COBL: variants seen among roughly 807,000 people sequenced by gnomAD.
The protein encoded by COBL is cordon-bleu WH2 repeat protein, also known as protein cordon-bleu.
COBL carries 51 observed loss-of-function variants against 98.8 expected under a neutral mutation model. The ratio of observed to expected loss-of-function variants is 0.52; its 90% CI spans 0.41 to 0.65. COBL has a LOEUF of 0.65. Among genes scored for constraint, COBL ranks in the 30% least tolerant of loss-of-function variants. The pLI is 0.00. For synonymous variants in COBL, 634 were observed against 651.7 expected, an observed-to-expected ratio of 0.97 and a Z score of 0.41; for missense variants, 1,617 against 1,617.5, an observed-to-expected ratio of 1.00 and a Z score of 0.01.
chr7:51,149,821 A>C (rs1450014399), intron 5 of COBL, among the ~76,000 whole-genome samples: 1 of 151,982 alleles, frequency 6.6e-6, no homozygotes, highest in Non-Finnish European at 1.5e-5. Flanking sequence ...TGTAAATAGC[A>C]CCTTTGTTGG....
chr7:51,086,643 A>G (rs991956005), intron 6 of COBL, among the ~76,000 whole-genome samples: 1 of 152,088 alleles, frequency 6.6e-6, no homozygotes, highest in Non-Finnish European at 1.5e-5. Context: ...AGAGAGAGAG[A>G]GAGAGTGTGT....
rs1786336733 is a variant in COBL at position 51,016,908 on chromosome 7, A to G, written c.*643T>C. ...ACGTAGGACTGTTTTCTGGGTGGTA[A>G]TAGTTGATTTTTAAAAGCTTAGTTG... is the stretch of plus-strand genomic sequence containing the variant. On this transcript the variant is annotated 3_prime_UTR_variant, in exon 13 of 13. Transcript: ENST00000265136. 7.5e-6 allele frequency: 3 copies of G among 399,422 alleles called. No individual in the cohort carries two copies. The highest frequency in any genetic ancestry group is 3.6e-5 in the East Asian group (1 of 28,098). 24.7% of individuals were successfully genotyped at this position (399,422 alleles called of 1,614,324 possible). A position where few individuals can be genotyped will look rare whatever the true frequency, so the allele number is the denominator to read the frequency against.
chr7:51,037,724 T>A (rs1358678795), intron 8 of COBL, among the ~76,000 whole-genome samples: 1 of 152,246 alleles, frequency 6.6e-6, no homozygotes, highest in Non-Finnish European at 1.5e-5. Flanking sequence ...GGGACTCTGA[T>A]GTTCCCTTTA....
intron 1 of COBL, 111 bp from the exon 2 acceptor site, chr7:51,220,055 G>T: frequency 1.1e-6 from 1 of 940,760 alleles, no homozygotes; most frequent in Non-Finnish European, 1.6e-6. Context: ...CCTTCCAAGT[G>T]CCACGGCCTT....
chr7:51,153,421 G>A (rs1562970564), intron 5 of COBL, among the ~76,000 whole-genome samples: 1 of 152,122 alleles, frequency 6.6e-6, no homozygotes, highest in Non-Finnish European at 1.5e-5. Context: ...ATGCTAAAAA[G>A]CAACCATAAA....
intron 1 of COBL, among the ~76,000 whole-genome samples, chr7:51,253,963 TA>T (rs1384530893): frequency 6.6e-6 from 1 of 152,240 alleles, no homozygotes; most frequent in African/African-American, 2.4e-5. Context: ...AAAACTTGTG[TA>T]GTTCAAAATC....
intron 1 of COBL, among the ~76,000 whole-genome samples, chr7:51,258,386 T>C (rs542545905): frequency 2.0e-5 from 3 of 152,292 alleles, no homozygotes; most frequent in Admixed American, 6.5e-5. Flanking sequence ...GAGTTACTCA[T>C]TTACCGACAT....
At chr7:51,120,369 C>T (rs1390390588) in intron 6 of COBL, among the ~76,000 whole-genome samples, 5 of 151,962 alleles carry the variant, frequency 3.3e-5, no homozygotes, top group Non-Finnish European at 7.4e-5. Context: ...ATATAACACA[C>T]GTAAGGCATT....
chr7:51,080,715 G>C (rs1793566203), intron 7 of COBL, among the ~76,000 whole-genome samples: 1 of 152,114 alleles, frequency 6.6e-6, no homozygotes, highest in Admixed American at 6.5e-5. Context: ...AGTGCTTGTA[G>C]CTGGCATTAA....
At chr7:51,201,833 T>G (rs983932966) in intron 2 of COBL, among the ~76,000 whole-genome samples, 3 of 152,124 alleles carry the variant, frequency 2.0e-5, no homozygotes, top group Admixed American at 6.5e-5. Context: ...AATACAAACA[T>G]GGAATTCACC....
intron 8 of COBL, chr7:51,035,466 T>C (rs1370083207): frequency 6.6e-6 from 1 of 152,142 alleles, no homozygotes; most frequent in Non-Finnish European, 1.5e-5. Flanking sequence ...AAGTGATTAC[T>C]TGATTAACTA....
At chr7:51,278,215 G>A (rs1193450337) in intron 1 of COBL, among the ~76,000 whole-genome samples, 1 of 152,090 alleles carries the variant, frequency 6.6e-6, no homozygotes. Flanking sequence ...ACACCAAACA[G>A]GGTGAATCTA....
chr7:51,156,620 A>T, intron 5 of COBL: 1 of 981,160 alleles, frequency 1.0e-6, no homozygotes, highest in Non-Finnish European at 1.2e-6. Flanking sequence ...AGGGTCAAAT[A>T]TTGAGAAATA....
At chr7:51,062,638 G>T (rs1387083303) in intron 7 of COBL, among the ~76,000 whole-genome samples, 2 of 152,212 alleles carry the variant, frequency 1.3e-5, no homozygotes, top group Non-Finnish European at 2.9e-5. Context: ...TTTCATCATT[G>T]CATGGAAACG....
intron 1 of COBL, among the ~76,000 whole-genome samples, chr7:51,236,395 A>G (rs1045273609): frequency 6.6e-6 from 1 of 152,204 alleles, no homozygotes; most frequent in Non-Finnish European, 1.5e-5. Flanking sequence ...AGAGGACAGG[A>G]CAGGGCAGGG....
At chr7:51,243,475 G>A (rs182075322) in intron 1 of COBL, among the ~76,000 whole-genome samples, 3 of 152,330 alleles carry the variant, frequency 2.0e-5, no homozygotes, top group African/African-American at 7.2e-5. Context: ...AATTAAAAAT[G>A]AGCTAAGGTA....
At chr7:51,060,698 A>G (rs746693360) in intron 7 of COBL, among the ~76,000 whole-genome samples, 16 of 152,136 alleles carry the variant, frequency 1.1e-4, no homozygotes, top group Non-Finnish European at 2.1e-4. Flanking sequence ...CGTTTTCCTC[A>G]TGACTTTTAT....
intron 1 of COBL, among the ~76,000 whole-genome samples, chr7:51,255,258 C>T (rs1270405798): frequency 6.6e-6 from 1 of 152,170 alleles, no homozygotes; most frequent in Non-Finnish European, 1.5e-5. Context: ...AACTGCTGCC[C>T]GAGGCACTGC....
chr7:51,180,578 T>C (rs552988988), intron 5 of COBL, among the ~76,000 whole-genome samples: 1 of 152,344 alleles, frequency 6.6e-6, no homozygotes, highest in African/African-American at 2.4e-5. Flanking sequence ...ATGCCAAGTA[T>C]AATAAGTGTA....
Sources: allele counts gnomAD v4.1 joint callset (sites outside exome capture counted in the v4.1 genomes callset), GRCh38; gene constraint gnomAD v4.1.1; transcripts MANE v1.5; gene names NCBI Gene and HGNC (gene_info 2026-07-23, HGNC 2026-07-21).